Variants in CNTNAP5 observed in about 807,000 individuals in gnomAD.
CNTNAP5 encodes contactin associated protein family member 5.
A neutral mutation model predicts 150.2 loss-of-function variants in CNTNAP5; 72 were observed. The observed-to-expected ratio is 0.48, with a 90% CI of 0.40 to 0.58. CNTNAP5 has a LOEUF of 0.58. Ranked by LOEUF, CNTNAP5 falls within the 20% of genes least tolerant of loss-of-function variation. The pLI is 0.00. For missense variants in CNTNAP5, 1,636 were observed against 1,626.2 expected (o/e 1.01, Z -0.10); for synonymous variants, 672 against 619.8 (o/e 1.08, Z -1.25).
rs778863758 is a variant in CNTNAP5 at position 124,419,140 on chromosome 2, C to CAAAAAAAAAAAAAAAAAAAAA, written c.529+1553_529+1573dup. Among the ~76,000 whole-genome samples, 28 of 28,896 alleles carry CAAAAAAAAAAAAAAAAAAAAA rather than the reference C, an allele frequency of 9.7e-4. 2 individuals are homozygous for CAAAAAAAAAAAAAAAAAAAAA. The highest frequency in any genetic ancestry group is 6.5e-3 in the South Asian group (2 of 306). The allele number at this position is 28,896 out of a possible 152,430, so 19.0% of individuals were successfully genotyped here. ...TGGGCGACAGAGCGAGACTCCTTCT[C>CAAAAAAAAAAAAAAAAAAAAA]AAAAAAAAAAAAAAAAAAAAAAACA... is the stretch of plus-strand genomic sequence containing the variant. On this transcript the variant is annotated intron_variant, in intron 4 of 23. Coordinates refer to ENST00000682447, the MANE Select transcript of CNTNAP5 (RefSeq NM_001367498.1).
intron 18 of CNTNAP5, among the ~76,000 whole-genome samples, chr2:124,797,304 G>A (rs888512199): frequency 6.6e-6 from 1 of 152,162 alleles, no homozygotes. Flanking sequence ...ATTCTTCAAG[G>A]AGGCTGGGTG....
chr2:124,359,394 G>T (rs1043796591), intron 3 of CNTNAP5, among the ~76,000 whole-genome samples: 24 of 151,928 alleles, frequency 1.6e-4, no homozygotes, highest in African/African-American at 5.3e-4. Flanking sequence ...TAATTGTGAT[G>T]TTAGGGTGTC....
intron 3 of CNTNAP5, among the ~76,000 whole-genome samples, chr2:124,324,320 G>C (rs1689166361): frequency 6.6e-6 from 1 of 152,190 alleles, no homozygotes; most frequent in African/African-American, 2.4e-5. Context: ...GAGCCAGAGT[G>C]AATATGAGGT....
At chr2:124,278,535 C>T (rs1331469773) in intron 3 of CNTNAP5, among the ~76,000 whole-genome samples, 1 of 152,140 alleles carries the variant, frequency 6.6e-6, no homozygotes, top group Non-Finnish European at 1.5e-5. Flanking sequence ...TCAACATTTT[C>T]TGCAAATTAG....
At chr2:124,267,053 C>T (rs961808409) in intron 3 of CNTNAP5, among the ~76,000 whole-genome samples, 7 of 151,290 alleles carry the variant, frequency 4.6e-5, no homozygotes, top group African/African-American at 1.7e-4. Flanking sequence ...ATTATCTGAT[C>T]TATCTCTCCA....
chr2:124,744,955 C>T (rs1337058418), intron 13 of CNTNAP5, among the ~76,000 whole-genome samples: 5 of 152,170 alleles, frequency 3.3e-5, no homozygotes, highest in Non-Finnish European at 7.3e-5. Context: ...TGTTCTCTCT[C>T]TTTTTCTTCT....
At chr2:124,174,991 A>G (rs1177611381) in intron 1 of CNTNAP5, among the ~76,000 whole-genome samples, 1 of 152,212 alleles carries the variant, frequency 6.6e-6, no homozygotes, top group African/African-American at 2.4e-5. Context: ...GATCATTAGC[A>G]TTTTTTAACA....
At chr2:124,410,114 G>C in intron 3 of CNTNAP5, among the ~76,000 whole-genome samples, 1 of 152,076 alleles carries the variant, frequency 6.6e-6, no homozygotes, top group Non-Finnish European at 1.5e-5. Context: ...AACCAACAAA[G>C]ATCAAAAGAG....
At chr2:124,327,841 G>T (rs1164766620) in intron 3 of CNTNAP5, among the ~76,000 whole-genome samples, 1 of 152,048 alleles carries the variant, frequency 6.6e-6, no homozygotes, top group African/African-American at 2.4e-5. Flanking sequence ...AACCACTTGG[G>T]CCCATGTCTT....
chr2:124,074,167 A>G (rs1008596316), intron 1 of CNTNAP5, among the ~76,000 whole-genome samples: 2 of 152,118 alleles, frequency 1.3e-5, no homozygotes, highest in African/African-American at 2.4e-5. Context: ...TATAGAGAGT[A>G]GAAGGATGAT....
At chr2:124,559,906 T>C (rs1695848551) in intron 10 of CNTNAP5, among the ~76,000 whole-genome samples, 1 of 152,178 alleles carries the variant, frequency 6.6e-6, no homozygotes, top group African/African-American at 2.4e-5. Context: ...CTACTAGTGC[T>C]CATTTATTAT....
chr2:124,061,342 A>G (rs1682005256), intron 1 of CNTNAP5, among the ~76,000 whole-genome samples: 3 of 152,134 alleles, frequency 2.0e-5, no homozygotes, highest in South Asian at 4.1e-4. Flanking sequence ...GTGTTTAACC[A>G]AAGTTTCAGT....
chr2:124,840,399 C>G (rs115096347), intron 19 of CNTNAP5, among the ~76,000 whole-genome samples: 1 of 152,102 alleles, frequency 6.6e-6, no homozygotes, highest in East Asian at 1.9e-4. Flanking sequence ...CATACTGCCT[C>G]AGAGCCTGGA....
intron 3 of CNTNAP5, among the ~76,000 whole-genome samples, chr2:124,330,416 C>A (rs1206434264): frequency 6.6e-6 from 1 of 152,146 alleles, no homozygotes; most frequent in African/African-American, 2.4e-5. Flanking sequence ...GAATTGTAAT[C>A]CCCATAATCC....
At chr2:124,494,469 G>A (rs898822449) in intron 7 of CNTNAP5, among the ~76,000 whole-genome samples, 5 of 152,132 alleles carry the variant, frequency 3.3e-5, no homozygotes, top group African/African-American at 7.2e-5. Flanking sequence ...TGCCAAACCT[G>A]AGGACAGATC....
intron 3 of CNTNAP5, among the ~76,000 whole-genome samples, chr2:124,391,902 G>C (rs971800228): frequency 2.0e-5 from 3 of 152,138 alleles, no homozygotes; most frequent in African/African-American, 4.8e-5. Context: ...CTTGCAGTGA[G>C]CCGAGATCGC....
chr2:124,419,994 T>C (rs181541828), intron 4 of CNTNAP5, among the ~76,000 whole-genome samples: 3,886 of 131,488 alleles, frequency 0.03, 247 homozygotes, highest in Non-Finnish European at 0.043. Flanking sequence ...CTTTCTTTTT[T>C]TTTTTTTTTT....
At chr2:124,176,722 C>G (rs958418197) in intron 1 of CNTNAP5, among the ~76,000 whole-genome samples, 2 of 152,138 alleles carry the variant, frequency 1.3e-5, no homozygotes, top group African/African-American at 4.8e-5. Context: ...TGTCTAGCTT[C>G]TTCTCTGACT....
At chr2:124,131,432 G>C (rs1683840986) in intron 1 of CNTNAP5, among the ~76,000 whole-genome samples, 1 of 152,172 alleles carries the variant, frequency 6.6e-6, no homozygotes. Flanking sequence ...ATGAGGAAAT[G>C]GAGAAGGGTT....
Sources: gnomAD v4.1 joint callset for allele counts (sites outside exome capture counted in the v4.1 genomes callset) on GRCh38, gnomAD v4.1.1 for gene constraint, MANE v1.5 for transcripts, NCBI Gene and HGNC (gene_info 2026-07-23, HGNC 2026-07-21) for gene names.